HYDIN: variants seen among roughly 807,000 people sequenced by gnomAD.
HYDIN encodes axonemal central pair apparatus protein HYDIN.
HYDIN carries 132 observed loss-of-function variants against 403.9 expected under a neutral mutation model. The ratio of observed to expected loss-of-function variants is 0.33; its 90% confidence interval spans 0.28 to 0.38. The LOEUF (loss-of-function observed/expected upper bound fraction) is 0.38. HYDIN is among the 10% of genes least tolerant of loss of function. The pLI is 1.00. For synonymous variants in HYDIN, 1,202 were observed against 1,891.7 expected (o/e 0.64, Z 9.46); for missense variants, 2,827 against 5,009.5 (o/e 0.56, Z 13.15).
chr16:70,900,699 A>T lies in HYDIN; in HGVS notation c.9048+305T>A, dbSNP rs565051697. ...ACTCTGATGCTTACCTAGGTATAGC[A>T]ACACCATTTGTTCATTTGTTCATTC... On this transcript the variant is annotated intron_variant, in intron 53 of 85. Transcript: ENST00000393567. Among the ~76,000 whole-genome samples the T allele has an allele frequency of 6.6e-4, 99 of 150,638 alleles. 1 individual carries two copies. The South Asian group carries it at 0.019, about 30-fold the overall frequency.
chr16:70,806,921 C>T lies in HYDIN; in HGVS notation c.*659G>A, dbSNP rs776219094. On this transcript the variant is annotated 3_prime_UTR_variant, in exon 86 of 86. Transcript: ENST00000393567. Reference sequence around the variant, plus strand: ...CTCTCCTGCTGAATGCTATCCAAGGCGGGGTGTGTATGTGTGGTGGGGGGA... The same window carrying T: ...CTCTCCTGCTGAATGCTATCCAAGGTGGGGTGTGTATGTGTGGTGGGGGGA... 2.9e-4 allele frequency among the ~76,000 whole-genome samples: 44 copies of T among 151,940 alleles called. No homozygotes were observed. The highest frequency in any genetic ancestry group is 5.6e-4 in the Non-Finnish European group (38 of 68,008).
chr16:70,976,295 T>C (rs1421458839), intron 30 of HYDIN, among the ~76,000 whole-genome samples: 1 of 152,280 alleles, frequency 6.6e-6, no homozygotes, highest in Non-Finnish European at 1.5e-5. Flanking sequence ...AGATTGCCTG[T>C]GATGGGCATC....
At chr16:71,015,314 T>C (rs902101856) in intron 23 of HYDIN, among the ~76,000 whole-genome samples, 2 of 152,012 alleles carry the variant, frequency 1.3e-5, no homozygotes, top group Admixed American at 1.3e-4. Context: ...CTTAAACCAA[T>C]GAAAAATTAA....
intron 23 of HYDIN, among the ~76,000 whole-genome samples, chr16:71,004,271 G>C (rs1225187108): frequency 2.0e-5 from 3 of 149,058 alleles, no homozygotes; most frequent in Non-Finnish European, 4.4e-5. Flanking sequence ...CCGAGATCAT[G>C]CCATTGCACT....
Position 71,080,884 on chromosome 16 carries a change from A to G in HYDIN, c.1671-932T>C, listed in dbSNP as rs1281657267. ...CAGAAGAGGAGGTCAGAGTGCTGCAATCTGAGAACTCAACCTGGCTTTGAA... is the reference window on the plus strand; with the variant it reads ...CAGAAGAGGAGGTCAGAGTGCTGCAGTCTGAGAACTCAACCTGGCTTTGAA... On this transcript the variant is annotated intron_variant, in intron 12 of 85. Coordinates refer to ENST00000393567, the MANE Select transcript of HYDIN (RefSeq NM_001270974.2). 6 of 151,574 alleles carry G rather than the reference A, an allele frequency of 4.0e-5. No homozygotes were observed. In the East Asian group the frequency reaches 1.2e-3, roughly 29 times the overall value. 9.4% of individuals were successfully genotyped at this position (151,574 alleles called of 1,614,324 possible).
rs1389231729 is a variant in HYDIN, at chr16:70,847,020, T to C, written c.12873+2706A>G. Among the ~76,000 whole-genome samples the C allele has an allele frequency of 1.5e-4, 22 of 147,666 alleles. 1 individual carries two copies. The South Asian group carries it at 4.8e-3, about 32-fold the overall frequency. On this transcript the variant is annotated intron_variant, in intron 75 of 85. Transcript: ENST00000393567. ...CAATTTGCCAGTCTGTGTCTTTTAA[T>C]TGGAGCATTTAGTCCATTTACATTT...
At chr16:71,130,476 T>TTG (rs1568200331) in intron 8 of HYDIN, among the ~76,000 whole-genome samples, 2 of 130,452 alleles carry the variant, frequency 1.5e-5, no homozygotes, top group African/African-American at 5.9e-5. Context: ...ACCGGTTTTT[T>TTG]TTTTTTTTTT....
chr16:70,995,122 A>C (rs906216719), intron 23 of HYDIN, among the ~76,000 whole-genome samples: 5 of 152,228 alleles, frequency 3.3e-5, no homozygotes, highest in African/African-American at 1.2e-4. Flanking sequence ...GAGCCACAGG[A>C]GACAGTGAAA....
chr16:70,816,036 G>C (rs2035815444), intron 84 of HYDIN, among the ~76,000 whole-genome samples: 1 of 151,982 alleles, frequency 6.6e-6, no homozygotes, highest in African/African-American at 2.4e-5. Context: ...TTGAACCTGG[G>C]AGGCAGAGGC....
At chr16:71,056,127 G>GTTTTTTT (rs57845299) in intron 18 of HYDIN, among the ~76,000 whole-genome samples, 15 of 106,210 alleles carry the variant, frequency 1.4e-4, no homozygotes, top group South Asian at 3.3e-4. Flanking sequence ...TCTGAGATTT[G>GTTTTTTT]TTTTTTTTTT....
rs775814133 is a variant in HYDIN at position 71,175,569 on chromosome 16, A to T, written c.516+38T>A. 3.7e-6 allele frequency: 6 copies of T among 1,605,792 alleles called. No individual in the cohort carries two copies. In the Admixed American group the frequency reaches 6.7e-5, roughly 18 times the overall value. ...ATTCAGAATTGAACTGCAATCTGCC[A>T]GTACAAGTGTCCAATTTCTTGCCAT... On this transcript the variant is annotated intron_variant, in intron 5 of 85. Coordinates refer to ENST00000393567, the MANE Select transcript of HYDIN (RefSeq NM_001270974.2).
chr16:70,863,588 G>A (rs2039544955), intron 67 of HYDIN, among the ~76,000 whole-genome samples: 1 of 152,114 alleles, frequency 6.6e-6, no homozygotes, highest in African/African-American at 2.4e-5. Flanking sequence ...CAGAAACAAT[G>A]TCCCTGGCTG....
In HYDIN at chr16:70,879,292, A is replaced by G; in HGVS notation, c.10557+5T>C. On this transcript the variant is annotated splice_donor_5th_base_variant and intron_variant, in intron 62 of 85. Transcript: ENST00000393567. Reference sequence around the variant, plus strand: ...TCAGCCTCATGCTTCACCCTCGAGTATTACCTGGGCAGGGAGGACACCATT... The same window carrying G: ...TCAGCCTCATGCTTCACCCTCGAGTGTTACCTGGGCAGGGAGGACACCATT... The G allele has an allele frequency of 1.7e-6, 2 of 1,162,266 alleles. No individual in the cohort carries two copies. The highest frequency in any genetic ancestry group is 2.5e-6 in the Non-Finnish European group (2 of 812,442). 72.0% of individuals were successfully genotyped at this position (1,162,266 alleles called of 1,614,324 possible).
chr16:71,038,231 T>G (rs867798145), intron 18 of HYDIN, among the ~76,000 whole-genome samples: 5 of 152,304 alleles, frequency 3.3e-5, no homozygotes, highest in Non-Finnish European at 5.9e-5. Context: ...CCCTCCCCTC[T>G]GAGGTTTCAT....
At chr16:70,849,036 G>A (rs1221968366) in intron 75 of HYDIN, among the ~76,000 whole-genome samples, 1 of 152,084 alleles carries the variant, frequency 6.6e-6, no homozygotes, top group African/African-American at 2.4e-5. Flanking sequence ...TATGAGGGGG[G>A]GTTCCACTGA....
In HYDIN at chr16:71,025,754, C is replaced by T. The variant is rs372775856; in HGVS notation, c.3043-228G>A. On this transcript the variant is annotated intron_variant, in intron 20 of 85. Coordinates refer to ENST00000393567, the MANE Select transcript of HYDIN (RefSeq NM_001270974.2). ...GATTCTGTATTTATTTCTGACTGCC[C>T]TGAGGCAGTTGATTTACATTCAGTT... is the stretch of plus-strand genomic sequence containing the variant. Among the ~76,000 whole-genome samples the T allele has an allele frequency of 2.5e-3, 356 of 142,792 alleles. 2 individuals carry two copies. The highest frequency in any genetic ancestry group is 8.5e-3 in the African/African-American group (330 of 38,814). The allele number at this position is 142,792 out of a possible 152,430, so 93.7% of individuals were successfully genotyped here.
chr16:70,984,115 C>T (rs548383655), intron 28 of HYDIN, among the ~76,000 whole-genome samples: 55 of 152,300 alleles, frequency 3.6e-4, no homozygotes, highest in Admixed American at 3.1e-3. Context: ...GTAATCCCAG[C>T]ACTTTGGGAT....
chr16:71,226,861 T>C (rs1439574219), intron 1 of HYDIN, among the ~76,000 whole-genome samples: 1 of 152,174 alleles, frequency 6.6e-6, no homozygotes. Context: ...GTTTTCTACA[T>C]TCTTTCCCTG....
intron 6 of HYDIN, among the ~76,000 whole-genome samples, chr16:71,157,110 T>C (rs2085801219): frequency 6.6e-6 from 1 of 150,658 alleles, no homozygotes; most frequent in South Asian, 2.1e-4. Flanking sequence ...GCTGGGGACA[T>C]ACAAATGAAA....
Sources: gnomAD v4.1 joint callset for allele counts (sites outside exome capture counted in the v4.1 genomes callset) on GRCh38, gnomAD v4.1.1 for gene constraint, MANE v1.5 for transcripts, NCBI Gene and HGNC (gene_info 2026-07-23, HGNC 2026-07-21) for gene names.